The following PTPRR variants were observed in gnomAD, a reference collection of about 807,000 sequenced individuals.
PTPRR encodes the protein receptor-type tyrosine-protein phosphatase R.
PTPRR carries 38 observed loss-of-function variants against 77.2 expected under a neutral mutation model. That is an observed-to-expected ratio of 0.49 (90% CI 0.38 to 0.65). PTPRR has a LOEUF of 0.65. PTPRR is among the 30% of genes least tolerant of loss of function. The pLI is 0.00. For missense variants in PTPRR, 744 were observed against 799.2 expected (o/e 0.93, Z 0.83); for synonymous variants, 299 against 283.1 (o/e 1.06, Z -0.57).
At chr12:70,818,681 T>A (rs1421307797) in intron 2 of PTPRR, among the ~76,000 whole-genome samples, 1 of 152,182 alleles carries the variant, frequency 6.6e-6, no homozygotes, top group African/African-American at 2.4e-5. Context: ...TTCTATCTTA[T>A]AGAATACTTT....
At chr12:70,897,414 T>G (rs984638343) in intron 1 of PTPRR, among the ~76,000 whole-genome samples, 12 of 151,958 alleles carry the variant, frequency 7.9e-5, no homozygotes, top group Admixed American at 2.6e-4. Context: ...ATGCTCATCA[T>G]CACTGGCCAT....
chr12:70,718,932 AT>A (rs2136838338), intron 6 of PTPRR, among the ~76,000 whole-genome samples: 1 of 152,296 alleles, frequency 6.6e-6, no homozygotes, highest in African/African-American at 2.4e-5. Flanking sequence ...CAATACGCAC[AT>A]TTTCCACCAA....
chr12:70,743,958 T>C (rs1890131752), intron 6 of PTPRR, among the ~76,000 whole-genome samples: 1 of 152,160 alleles, frequency 6.6e-6, no homozygotes, highest in South Asian at 2.1e-4. Flanking sequence ...ATTTGTCTTT[T>C]AATCAGTTTC....
At chr12:70,897,153 G>T (rs1038792105) in intron 1 of PTPRR, among the ~76,000 whole-genome samples, 1 of 151,960 alleles carries the variant, frequency 6.6e-6, no homozygotes, top group South Asian at 2.1e-4. Context: ...ATTGACAAAT[G>T]GGATCTAATT....
At chr12:70,871,273 G>A (rs1386863716) in intron 2 of PTPRR, among the ~76,000 whole-genome samples, 2 of 152,166 alleles carry the variant, frequency 1.3e-5, no homozygotes, top group Non-Finnish European at 1.5e-5. Context: ...AGCAAACTCA[G>A]CCTGAGGGAT....
intron 1 of PTPRR, among the ~76,000 whole-genome samples, chr12:70,920,032 A>G (rs1893832630): frequency 6.6e-6 from 1 of 152,120 alleles, no homozygotes; most frequent in African/African-American, 2.4e-5. Context: ...TAGCCTAGAA[A>G]CAAGAGCAGG....
chr12:70,686,221 A>T (rs1023402414), intron 8 of PTPRR, among the ~76,000 whole-genome samples: 1 of 143,414 alleles, frequency 7.0e-6, no homozygotes, highest in African/African-American at 2.6e-5. Context: ...ACAATCTCTT[A>T]CGTTCCCCAC....
At chr12:70,780,073 C>A (rs1367102777) in intron 2 of PTPRR, among the ~76,000 whole-genome samples, 4 of 151,958 alleles carry the variant, frequency 2.6e-5, no homozygotes, top group Non-Finnish European at 5.9e-5. Flanking sequence ...CTCACTGCAA[C>A]CTCCGCCTAC....
chr12:70,814,244 C>A (rs1000860679), intron 2 of PTPRR, among the ~76,000 whole-genome samples: 14 of 152,118 alleles, frequency 9.2e-5, no homozygotes, highest in African/African-American at 3.4e-4. Flanking sequence ...TTGGGAATGC[C>A]TTGTCCTAAT....
chr12:70,705,378 C>T (rs570081344), intron 6 of PTPRR, among the ~76,000 whole-genome samples: 79 of 152,192 alleles, frequency 5.2e-4, no homozygotes, highest in African/African-American at 1.7e-3. Context: ...GAAGAAAGGG[C>T]TAAAATTTCT....
chr12:70,735,627 C>T (rs148383660), intron 6 of PTPRR, among the ~76,000 whole-genome samples: 1 of 152,262 alleles, frequency 6.6e-6, no homozygotes, highest in African/African-American at 2.4e-5. Flanking sequence ...TCTGTATCAC[C>T]TAGAAAAAGG....
chr12:70,737,521 T>G (rs188502057), intron 6 of PTPRR, among the ~76,000 whole-genome samples: 58 of 151,676 alleles, frequency 3.8e-4, no homozygotes, highest in African/African-American at 1.4e-3. Flanking sequence ...TATCTATCTA[T>G]CTATCTATCT....
chr12:70,853,261 C>G (rs143646890), intron 2 of PTPRR, among the ~76,000 whole-genome samples: 98 of 152,332 alleles, frequency 6.4e-4, no homozygotes, highest in African/African-American at 2.2e-3. Context: ...AATTACCAGC[C>G]TTACGGCATC....
At chr12:70,831,175 C>G (rs11178448) in intron 2 of PTPRR, among the ~76,000 whole-genome samples, 21,546 of 152,028 alleles carry the variant, frequency 0.14, 1,867 homozygotes, top group African/African-American at 0.24. Flanking sequence ...ACACTTTTAC[C>G]CCTATTATTT....
rs149745712 is a variant in PTPRR, at chr12:70,742,701, CAG to C, written c.1007+3115_1007+3116del. Among the ~76,000 whole-genome samples, 538 of 152,064 alleles carry C rather than the reference CAG, an allele frequency of 3.5e-3. 2 individuals are homozygous for C. The highest frequency in any genetic ancestry group is 5.3e-3 in the Non-Finnish European group (361 of 67,984). ...GTCTAGAGAGTGGACTGGAAAAAAA[CAG>C]AATTCGAGGTGGGGACCAGGAGGAG... On this transcript the variant is annotated intron_variant, in intron 6 of 13. Transcript: ENST00000283228.
chr12:70,869,284 G>C (rs1452123582), intron 2 of PTPRR, among the ~76,000 whole-genome samples: 2 of 152,024 alleles, frequency 1.3e-5, no homozygotes, highest in Non-Finnish European at 2.9e-5. Flanking sequence ...AATATGTCTG[G>C]TCCAGTTTGT....
chr12:70,672,879 C>T (rs1887289754), intron 10 of PTPRR: 2 of 1,557,938 alleles, frequency 1.3e-6, no homozygotes, highest in African/African-American at 1.4e-5. Flanking sequence ...TGCACAGGCC[C>T]TGGTCATAGG....
At chr12:70,680,998 T>G (rs1430555675) in intron 10 of PTPRR, among the ~76,000 whole-genome samples, 1 of 151,934 alleles carries the variant, frequency 6.6e-6, no homozygotes, top group Admixed American at 6.6e-5. Context: ...AGATTGTCTG[T>G]TCCTTTGAGG....
At chr12:70,875,251 G>A (rs540372923) in intron 2 of PTPRR, among the ~76,000 whole-genome samples, 15 of 152,254 alleles carry the variant, frequency 9.9e-5, no homozygotes, top group Non-Finnish European at 1.6e-4. Flanking sequence ...ATTAGACCAC[G>A]TTTGTAGAAT....
Sources: gnomAD v4.1 joint callset for allele counts (sites outside exome capture counted in the v4.1 genomes callset) on GRCh38, gnomAD v4.1.1 for gene constraint, MANE v1.5 for transcripts, NCBI Gene and HGNC (gene_info 2026-07-23, HGNC 2026-07-21) for gene names.